Variants in ZFAND3 observed in about 807,000 individuals in gnomAD.
The protein encoded by ZFAND3 is AN1-type zinc finger protein 3.
In ZFAND3, 10 loss-of-function variants were observed where a neutral mutation model predicts 29.6. The observed-to-expected ratio is 0.34, with a 90% CI of 0.21 to 0.57. ZFAND3 has a LOEUF of 0.57. Among genes scored for constraint, ZFAND3 ranks in the 20% least tolerant of loss-of-function variants. The pLI is 0.86. For synonymous variants in ZFAND3, 128 were observed against 112.6 expected, an observed-to-expected ratio of 1.14 and a Z score of -0.87; for missense variants, 230 against 304.5, an observed-to-expected ratio of 0.76 and a Z score of 1.82.
chr6:37,889,404 G>C (rs930296965), intron 1 of ZFAND3, among the ~76,000 whole-genome samples: 1 of 152,148 alleles, frequency 6.6e-6, no homozygotes, highest in Non-Finnish European at 1.5e-5. Flanking sequence ...TACTGGCTTA[G>C]ACCAATTTTG....
intron 2 of ZFAND3, among the ~76,000 whole-genome samples, chr6:38,020,719 T>C (rs1247195199): frequency 6.6e-6 from 1 of 152,214 alleles, no homozygotes; most frequent in Non-Finnish European, 1.5e-5. Context: ...CAAATGAGTT[T>C]TGTATCTCTA....
At chr6:38,133,545 C>T (rs1402647935) in intron 5 of ZFAND3, among the ~76,000 whole-genome samples, 3 of 152,048 alleles carry the variant, frequency 2.0e-5, no homozygotes, top group African/African-American at 7.2e-5. Context: ...GTCAAGAGAT[C>T]AAGACCGTCC....
intron 1 of ZFAND3, among the ~76,000 whole-genome samples, chr6:37,927,736 A>C (rs1386604112): frequency 6.6e-6 from 1 of 152,224 alleles, no homozygotes. Flanking sequence ...TTACTTTCTC[A>C]GGGAACTGAC....
At chr6:38,144,496 G>A (rs1305033935) in intron 5 of ZFAND3, among the ~76,000 whole-genome samples, 1 of 152,118 alleles carries the variant, frequency 6.6e-6, no homozygotes, top group Non-Finnish European at 1.5e-5. Context: ...CCCCATCACT[G>A]TGCTGCGCCC....
intron 1 of ZFAND3, among the ~76,000 whole-genome samples, chr6:37,924,300 T>C (rs1761440472): frequency 6.9e-6 from 1 of 145,786 alleles, no homozygotes; most frequent in African/African-American, 2.5e-5. Context: ...ATTTCAAATA[T>C]CTACTTAAGT....
At chr6:38,064,666 C>CTTTTTTTT (rs35827782) in intron 3 of ZFAND3, among the ~76,000 whole-genome samples, 1 of 115,940 alleles carries the variant, frequency 8.6e-6, no homozygotes, top group Admixed American at 8.9e-5. Flanking sequence ...CTGCTATGGG[C>CTTTTTTTT]TTTTTTTTTT....
At chr6:38,061,863 C>G in intron 3 of ZFAND3, 88 bp downstream of exon 3, 1 of 1,449,536 alleles carries the variant, frequency 6.9e-7, no homozygotes. Context: ...CCAGAAAAAA[C>G]AGCACTTCTT....
intron 2 of ZFAND3, among the ~76,000 whole-genome samples, chr6:38,009,051 T>C (rs17648699): frequency 0.072 from 10,929 of 152,248 alleles, 507 homozygotes; most frequent in Non-Finnish European, 0.1. Flanking sequence ...AGACCTGTGT[T>C]ATCAGTAATA....
At chr6:37,891,948 C>T (rs1342384440) in intron 1 of ZFAND3, among the ~76,000 whole-genome samples, 2 of 152,066 alleles carry the variant, frequency 1.3e-5, no homozygotes, top group Non-Finnish European at 2.9e-5. Flanking sequence ...AGGTTAGTCT[C>T]GAACCCCTGA....
At chr6:38,028,867 C>T (rs553663413) in intron 2 of ZFAND3, among the ~76,000 whole-genome samples, 1 of 152,210 alleles carries the variant, frequency 6.6e-6, no homozygotes, top group African/African-American at 2.4e-5. Flanking sequence ...CTTTGTGAAG[C>T]AAGGCATGGT....
intron 2 of ZFAND3, among the ~76,000 whole-genome samples, chr6:38,022,031 T>C (rs1308003132): frequency 6.6e-6 from 1 of 152,214 alleles, no homozygotes; most frequent in East Asian, 1.9e-4. Context: ...GGAACCAAAG[T>C]TGATTTTTAT....
intron 1 of ZFAND3, among the ~76,000 whole-genome samples, chr6:37,855,145 AT>A (rs1181032862): frequency 0.019 from 2,563 of 132,954 alleles, 55 homozygotes; most frequent in African/African-American, 0.061. Flanking sequence ...TGGCAATTTA[AT>A]TTTTTTTTTT....
At chr6:37,958,711 A>G (rs1762144449) in intron 2 of ZFAND3, among the ~76,000 whole-genome samples, 1 of 151,716 alleles carries the variant, frequency 6.6e-6, no homozygotes, top group African/African-American at 2.4e-5. Flanking sequence ...CTTCTAAAAA[A>G]CCTTGCTTGG....
intron 2 of ZFAND3, among the ~76,000 whole-genome samples, chr6:38,034,491 C>T (rs1028998750): frequency 1.3e-5 from 2 of 152,146 alleles, no homozygotes; most frequent in African/African-American, 4.8e-5. Context: ...GAAAGAACTA[C>T]TGCAAAGCCA....
At chr6:37,989,798 T>C (rs1429528614) in intron 2 of ZFAND3, among the ~76,000 whole-genome samples, 5 of 152,212 alleles carry the variant, frequency 3.3e-5, no homozygotes, top group African/African-American at 1.2e-4. Flanking sequence ...GTGATTTTAT[T>C]TGCATTTAAA....
intron 2 of ZFAND3, among the ~76,000 whole-genome samples, chr6:38,029,019 C>T (rs1191778464): frequency 2.0e-5 from 3 of 152,152 alleles, no homozygotes; most frequent in Non-Finnish European, 4.4e-5. Flanking sequence ...CTTGATTGAA[C>T]TTTACATAAT....
At chr6:37,908,542 T>TAAAAAAAAAAAAAAAAAAAAAAAAAAA (rs70981504) in intron 1 of ZFAND3, among the ~76,000 whole-genome samples, 1 of 124,122 alleles carries the variant, frequency 8.1e-6, no homozygotes, top group Non-Finnish European at 1.7e-5. Context: ...AAAAAAAAAT[T>TAAAAAAAAAAAAAAAAAAAAAAAAAAA]AAAAAAAAAA....
At chr6:38,050,237 G>T (rs1465391893) in intron 2 of ZFAND3, among the ~76,000 whole-genome samples, 1 of 151,962 alleles carries the variant, frequency 6.6e-6, no homozygotes, top group East Asian at 1.9e-4. Context: ...TTACAAGCGT[G>T]AGTCACCGTG....
chr6:38,132,061 C>T (rs1765752293), intron 5 of ZFAND3, among the ~76,000 whole-genome samples: 1 of 152,212 alleles, frequency 6.6e-6, no homozygotes, highest in Admixed American at 6.5e-5. Flanking sequence ...ATAATTCAGA[C>T]TAGACATATA....
Sources: allele counts gnomAD v4.1 joint callset (sites outside exome capture counted in the v4.1 genomes callset), GRCh38; gene constraint gnomAD v4.1.1; transcripts MANE v1.5; gene names NCBI Gene and HGNC (gene_info 2026-07-23, HGNC 2026-07-21).